Variants in PCBP3 observed in about 807,000 individuals in gnomAD.
PCBP3 encodes poly(rC) binding protein 3, also known as poly(rC)-binding protein 3.
Under a neutral mutation model 52.7 loss-of-function variants are expected in PCBP3, and 25 were observed. The observed-to-expected ratio is 0.47, with a 90% CI of 0.35 to 0.66. The LOEUF (loss-of-function observed/expected upper bound fraction) is 0.66, where lower values mean the gene tolerates loss of function less well. Ranked by LOEUF, PCBP3 falls within the 30% of genes least tolerant of loss-of-function variation. PCBP3 has a pLI of 0.01. For synonymous variants in PCBP3, 162 were observed against 183.0 expected (o/e 0.89, Z 0.93); for missense variants, 391 against 490.3 (o/e 0.80, Z 1.91).
In PCBP3 at chr21:45,914,022, T is replaced by C. The variant is rs2096456498; in HGVS notation, c.672T>C (p.Gly224=). The C allele has an allele frequency of 6.2e-7, 1 of 1,613,526 alleles. No individual in the cohort carries two copies. The highest frequency in any genetic ancestry group is 1.3e-5 in the African/African-American group (1 of 74,908). ...CCACCCCTGTCATTTTTGCAGGTGG[T>C]CAGGTAAGAGCCGATCCGCTCGCGG... ...PASTPVIFAG[G]QAYTIQGQYA... is the part of the protein sequence containing the mutation. The change falls in exon 12 of 18, where the codon GGT becomes GGC. Residue 224 remains glycine, a synonymous_variant. Coordinates refer to ENST00000681687, the MANE Select transcript of PCBP3 (RefSeq NM_001384156.1).
chr21:45,784,335 G>GCTCTAGCTCTAC (rs1555934161), intron 4 of PCBP3, among the ~76,000 whole-genome samples: 4,083 of 105,194 alleles, frequency 0.039, 230 homozygotes, highest in Admixed American at 0.06. Flanking sequence ...AATAGTGACA[G>GCTCTAGCTCTAC]CTCTACCTCT....
chr21:45,860,666 C>T (rs547328821), intron 5 of PCBP3, among the ~76,000 whole-genome samples: 18 of 152,232 alleles, frequency 1.2e-4, no homozygotes, highest in African/African-American at 2.7e-4. Context: ...CAGCAAAGAT[C>T]GTGCGAGGCT....
intron 1 of PCBP3, among the ~76,000 whole-genome samples, chr21:45,659,502 C>T (rs1193360249): frequency 6.6e-6 from 1 of 151,660 alleles, no homozygotes; most frequent in African/African-American, 2.4e-5. Flanking sequence ...GGTGCATTCC[C>T]CTACACCTGG....
chr21:45,751,004 G>A lies in PCBP3; in HGVS notation c.-161-4413G>A, dbSNP rs147752893. The stretch of plus-strand genomic sequence containing the variant: ...ATCCCCACCCCTTGTACATGACAGT[G>A]ATGTTCTAAGGTGGTCTCTCACCAG... On this transcript the variant is annotated intron_variant, in intron 3 of 17. Transcript: ENST00000681687. 9.2e-5 allele frequency: 14 copies of A among 152,192 alleles called. No individual in the cohort carries two copies. In the East Asian group the frequency reaches 2.5e-3, roughly 27 times the overall value. The allele number at this position is 152,192 out of a possible 1,614,324, so 9.4% of individuals were successfully genotyped here.
chr21:45,811,868 T>G (rs994617240), intron 4 of PCBP3, among the ~76,000 whole-genome samples: 8 of 152,256 alleles, frequency 5.3e-5, no homozygotes. Context: ...ATAACTGATT[T>G]GGTTGAGTTT....
chr21:45,688,253 T>C (rs562623163), intron 2 of PCBP3, among the ~76,000 whole-genome samples: 1 of 152,260 alleles, frequency 6.6e-6, no homozygotes, highest in African/African-American at 2.4e-5. Flanking sequence ...ACTTATAGAA[T>C]ATGCCAGCCA....
At chr21:45,921,821 A>G (rs1360673706) in intron 13 of PCBP3, among the ~76,000 whole-genome samples, 2 of 152,102 alleles carry the variant, frequency 1.3e-5, no homozygotes, top group Non-Finnish European at 2.9e-5. Flanking sequence ...CCGTTTCAAA[A>G]AAAAAAGGAG....
At chr21:45,688,232 G>T (rs930460594) in intron 2 of PCBP3, among the ~76,000 whole-genome samples, 2 of 152,204 alleles carry the variant, frequency 1.3e-5, no homozygotes, top group South Asian at 4.1e-4. Flanking sequence ...CAACCAATTT[G>T]TTCTACTGAA....
chr21:45,854,933 C>T (rs576280931), intron 5 of PCBP3, among the ~76,000 whole-genome samples: 1 of 152,320 alleles, frequency 6.6e-6, no homozygotes, highest in East Asian at 1.9e-4. Flanking sequence ...TACGATCTCT[C>T]CTGCCTGAGT....
intron 4 of PCBP3, among the ~76,000 whole-genome samples, chr21:45,838,701 A>G (rs1206625859): frequency 2.0e-5 from 3 of 152,202 alleles, no homozygotes; most frequent in Non-Finnish European, 2.9e-5. Context: ...GGAGAATAAT[A>G]CCAATATTAT....
intron 4 of PCBP3, among the ~76,000 whole-genome samples, chr21:45,789,066 C>T (rs1035999528): frequency 3.3e-5 from 5 of 152,184 alleles, no homozygotes; most frequent in Admixed American, 2.6e-4. Flanking sequence ...ATGGCTGTGT[C>T]CCCAGAGCTG....
intron 17 of PCBP3, 94 bp from the exon 18 acceptor site, chr21:45,941,576 A>G: frequency 2.6e-6 from 3 of 1,159,544 alleles, no homozygotes; most frequent in Non-Finnish European, 3.8e-6. Flanking sequence ...TGTCCCAGCG[A>G]GCACAGAGGC....
chr21:45,939,795 G>T (rs984126479), intron 16 of PCBP3, among the ~76,000 whole-genome samples: 6 of 152,206 alleles, frequency 3.9e-5, no homozygotes, highest in Non-Finnish European at 8.8e-5. Context: ...GGGCGGGTCT[G>T]AGAGGGGCCA....
intron 10 of PCBP3, 64 bp from the exon 11 acceptor site, chr21:45,910,838 G>A (rs768153976): frequency 1.8e-5 from 27 of 1,508,832 alleles, no homozygotes; most frequent in South Asian, 2.5e-5. Context: ...GCCGAGACTC[G>A]GGAGGTACTG....
rs578086673 is a variant in PCBP3 at position 45,890,566 on chromosome 21, T to G, written c.11-5642T>G. On this transcript the variant is annotated intron_variant, in intron 5 of 17. Coordinates refer to ENST00000681687, the MANE Select transcript of PCBP3 (RefSeq NM_001384156.1). ...GAACTCCGCATTGCTGAGGGGAATG[T>G]AGATAATAGAACCTGGAACTCTGTG... 2.0e-5 allele frequency among the ~76,000 whole-genome samples: 3 copies of G among 149,868 alleles called. No homozygotes were observed. The East Asian group carries it at 5.9e-4, about 30-fold the overall frequency.
intron 1 of PCBP3, among the ~76,000 whole-genome samples, chr21:45,644,277 G>A (rs1283349707): frequency 2.6e-5 from 4 of 151,612 alleles, no homozygotes; most frequent in South Asian, 2.1e-4. Flanking sequence ...CGGCCGCGGC[G>A]GCTGGAGGGC....
At position 45,651,516 on chromosome 21, in the gene PCBP3, A is replaced by G. The variant is rs148922182; in HGVS notation, c.-279+7648A>G. On this transcript the variant is annotated intron_variant, in intron 1 of 17. Transcript: ENST00000681687. ...ATTCCAAAGTATGTTTTTTGAACCAATATTTTTCCTTTTACTAGATCATGA... is the reference window on the plus strand; with the variant it reads ...ATTCCAAAGTATGTTTTTTGAACCAGTATTTTTCCTTTTACTAGATCATGA... Among the ~76,000 whole-genome samples the G allele has an allele frequency of 1.3e-3, 201 of 152,286 alleles. 2 individuals are homozygous for G. The highest frequency in any genetic ancestry group is 4.4e-3 in the African/African-American group (181 of 41,556).
chr21:45,742,321 C>T (rs1039871148), intron 3 of PCBP3, among the ~76,000 whole-genome samples: 1 of 152,200 alleles, frequency 6.6e-6, no homozygotes, highest in African/African-American at 2.4e-5. Context: ...ACCAGAGTGC[C>T]TGTGCTGTTG....
At chr21:45,885,731 G>A (rs1057426370) in intron 5 of PCBP3, among the ~76,000 whole-genome samples, 3 of 152,238 alleles carry the variant, frequency 2.0e-5, no homozygotes, top group Admixed American at 2.0e-4. Context: ...AGCTTGGTGG[G>A]AACTGGCTTC....
Sources: allele counts gnomAD v4.1 joint callset (sites outside exome capture counted in the v4.1 genomes callset), GRCh38; gene constraint gnomAD v4.1.1; transcripts MANE v1.5; gene names NCBI Gene and HGNC (gene_info 2026-07-23, HGNC 2026-07-21).